Variants in NKAIN2 observed in about 807,000 individuals in gnomAD.
The protein encoded by NKAIN2 is sodium/potassium transporting ATPase interacting 2.
Under a neutral mutation model 32.6 loss-of-function variants are expected in NKAIN2, and 14 were observed. The ratio of observed to expected loss-of-function variants is 0.43; its 90% CI spans 0.28 to 0.67. The LOEUF (loss-of-function observed/expected upper bound fraction) is 0.67, where lower values mean the gene tolerates loss of function less well. Among genes scored for constraint, NKAIN2 ranks in the 30% least tolerant of loss-of-function variants. The pLI is 0.17. For missense variants in NKAIN2, 198 were observed against 258.3 expected (o/e 0.77, Z 1.60); for synonymous variants, 80 against 87.2 (o/e 0.92, Z 0.46).
intron 1 of NKAIN2, among the ~76,000 whole-genome samples, chr6:124,273,275 A>G (rs1794882663): frequency 6.7e-6 from 1 of 150,026 alleles, no homozygotes. Context: ...TCCTGGGGGC[A>G]GTTTCCCCCA....
intron 3 of NKAIN2, among the ~76,000 whole-genome samples, chr6:124,558,809 C>T (rs1486301515): frequency 6.6e-6 from 1 of 152,084 alleles, no homozygotes; most frequent in Non-Finnish European, 1.5e-5. Context: ...ATTAGCCGGG[C>T]ATGGTGGTGT....
At chr6:124,178,997 TTG>T (rs1350533384) in intron 1 of NKAIN2, among the ~76,000 whole-genome samples, 1 of 152,196 alleles carries the variant, frequency 6.6e-6, no homozygotes, top group Non-Finnish European at 1.5e-5. Context: ...CACAGTGAAT[TTG>T]GTAATTATTG....
intron 3 of NKAIN2, among the ~76,000 whole-genome samples, chr6:124,466,302 A>G (rs1176668772): frequency 6.6e-6 from 1 of 152,184 alleles, no homozygotes; most frequent in Non-Finnish European, 1.5e-5. Flanking sequence ...GTAGCAAAGC[A>G]TTGAAAACTG....
chr6:123,864,943 T>G (rs2114984917), intron 1 of NKAIN2, among the ~76,000 whole-genome samples: 1 of 152,294 alleles, frequency 6.6e-6, no homozygotes, highest in African/African-American at 2.4e-5. Flanking sequence ...TTATCTGTGC[T>G]TTTGTTGAGG....
intron 1 of NKAIN2, among the ~76,000 whole-genome samples, chr6:124,165,014 T>G (rs1349244528): frequency 6.6e-6 from 1 of 151,974 alleles, no homozygotes; most frequent in African/African-American, 2.4e-5. Context: ...TCTTGTAGGG[T>G]TTTAGAAATA....
chr6:124,712,267 TTTTG>T lies in NKAIN2; in HGVS notation c.474+53887_474+53890del, dbSNP rs936506417. Among the ~76,000 whole-genome samples the T allele has an allele frequency of 2.5e-4, 34 of 137,122 alleles. 1 individual carries two copies. The highest frequency in any genetic ancestry group is 6.4e-4 in the Admixed American group (9 of 13,954). 90.0% of individuals were successfully genotyped at this position (137,122 alleles called of 152,430 possible). On this transcript the variant is annotated intron_variant, in intron 4 of 6. Transcript: ENST00000368417. ...AAGTCTGCAGAGGTTACTGCTGTCTTTTTGTTTGTCTGTGCCCTGCCCCCAGAGG... is the reference window on the plus strand; with the variant it reads ...AAGTCTGCAGAGGTTACTGCTGTCTTTTTGTCTGTGCCCTGCCCCCAGAGG...
intron 1 of NKAIN2, among the ~76,000 whole-genome samples, chr6:124,216,155 C>T (rs1791468289): frequency 6.7e-6 from 1 of 149,888 alleles, no homozygotes; most frequent in African/African-American, 2.5e-5. Context: ...AGACCACACA[C>T]TCAGTCTAAA....
At chr6:124,058,986 G>T (rs188005769) in intron 1 of NKAIN2, among the ~76,000 whole-genome samples, 20 of 152,090 alleles carry the variant, frequency 1.3e-4, no homozygotes, top group Admixed American at 1.2e-3. Flanking sequence ...TTAATAATAA[G>T]TTAGGACAAC....
At chr6:124,077,870 G>C (rs996241799) in intron 1 of NKAIN2, among the ~76,000 whole-genome samples, 1 of 151,936 alleles carries the variant, frequency 6.6e-6, no homozygotes, top group African/African-American at 2.4e-5. Context: ...AAAGTGCTGG[G>C]ATTACAGGCG....
chr6:124,445,221 T>A (rs531415221), intron 3 of NKAIN2, among the ~76,000 whole-genome samples: 1 of 152,202 alleles, frequency 6.6e-6, no homozygotes, highest in South Asian at 2.1e-4. Flanking sequence ...TAATACTTCC[T>A]AAGGAAAGGA....
intron 1 of NKAIN2, 102 bp downstream of exon 1, chr6:123,804,356 A>G: frequency 1.0e-6 from 1 of 998,322 alleles, no homozygotes; most frequent in Non-Finnish European, 1.6e-6. Context: ...GACGAAAAAG[A>G]TAAAAGAGAA....
chr6:124,334,074 A>T (rs1797771397), intron 2 of NKAIN2, among the ~76,000 whole-genome samples: 1 of 152,324 alleles, frequency 6.6e-6, no homozygotes, highest in Admixed American at 6.5e-5. Flanking sequence ...TTTCCGTCTT[A>T]TGTGGTATGC....
chr6:124,366,905 G>A (rs1218698587), intron 3 of NKAIN2, among the ~76,000 whole-genome samples: 2 of 149,148 alleles, frequency 1.3e-5, no homozygotes, highest in Non-Finnish European at 3.0e-5. Context: ...TCCAGCCTGG[G>A]TGACAGAGTG....
intron 1 of NKAIN2, among the ~76,000 whole-genome samples, chr6:124,173,335 G>A (rs903569910): frequency 3.9e-5 from 6 of 152,000 alleles, no homozygotes; most frequent in African/African-American, 7.2e-5. Flanking sequence ...CTTTTAGTAC[G>A]TGATTGGGAG....
chr6:124,408,235 C>T (rs894987345), intron 3 of NKAIN2, among the ~76,000 whole-genome samples: 17 of 151,970 alleles, frequency 1.1e-4, no homozygotes, highest in Non-Finnish European at 2.1e-4. Context: ...CTTTTGTTGC[C>T]ATTGCTTTTG....
intron 1 of NKAIN2, among the ~76,000 whole-genome samples, chr6:123,861,002 A>G (rs1775767127): frequency 6.6e-6 from 1 of 152,208 alleles, no homozygotes; most frequent in African/African-American, 2.4e-5. Flanking sequence ...TGTTCTTCAC[A>G]GGTATCCTGT....
At chr6:124,030,188 T>G (rs185330582) in intron 1 of NKAIN2, among the ~76,000 whole-genome samples, 1 of 152,316 alleles carries the variant, frequency 6.6e-6, no homozygotes, top group East Asian at 1.9e-4. Flanking sequence ...TTCTACATTA[T>G]GGTGAGTTAT....
intron 1 of NKAIN2, among the ~76,000 whole-genome samples, chr6:124,164,519 G>A (rs896515537): frequency 1.3e-5 from 2 of 152,066 alleles, no homozygotes; most frequent in African/African-American, 2.4e-5. Context: ...GGAAATCAGC[G>A]TGGAATAGGA....
intron 5 of NKAIN2, chr6:124,804,600 G>C (rs1317177322): frequency 6.3e-6 from 1 of 158,710 alleles, no homozygotes; most frequent in East Asian, 1.9e-4. Context: ...TTCCATCTGA[G>C]GTACCAGGTT....
Sources: gnomAD v4.1 joint callset for allele counts (sites outside exome capture counted in the v4.1 genomes callset) on GRCh38, gnomAD v4.1.1 for gene constraint, MANE v1.5 for transcripts, NCBI Gene and HGNC (gene_info 2026-07-23, HGNC 2026-07-21) for gene names.